DNAH6: variants seen among roughly 807,000 people sequenced by gnomAD.
The protein encoded by DNAH6 is axonemal beta dynein heavy chain 6.
A neutral mutation model predicts 491.4 loss-of-function variants in DNAH6; 340 were observed. The ratio of observed to expected loss-of-function variants is 0.69; its 90% confidence interval spans 0.63 to 0.76. The LOEUF (loss-of-function observed/expected upper bound fraction) is 0.76, where lower values mean the gene tolerates loss of function less well. Among genes scored for constraint, DNAH6 ranks in the 30% least tolerant of loss-of-function variants. The pLI is 0.00. For synonymous variants in DNAH6, 1,603 were observed against 1,686.1 expected (o/e 0.95, Z 1.21); for missense variants, 4,443 against 4,972.2 (o/e 0.89, Z 3.20).
the DNAH6 span, among the ~76,000 whole-genome samples, chr2:84,477,225 C>T: frequency 1.3e-5 from 2 of 152,172 alleles, no homozygotes; most frequent in Non-Finnish European, 1.5e-5. Flanking sequence ...GTCAAAAGGG[C>T]AGGCTCATGA....
In DNAH6 at chr2:84,560,364, A is replaced by G. The variant is rs535661947; in HGVS notation, c.1803+2429A>G. On this transcript the variant is annotated intron_variant, in intron 11 of 76. Coordinates refer to ENST00000389394, the MANE Select transcript of DNAH6 (RefSeq NM_001370.2). The stretch of plus-strand genomic sequence containing the variant: ...TGGAGGAGCATTTAAAAAAAAACTC[A>G]TGGAAAGAAAATGTGAATCAAGAAT... 2.6e-5 allele frequency among the ~76,000 whole-genome samples: 4 copies of G among 152,224 alleles called. No individual in the cohort carries two copies. The South Asian group carries it at 8.3e-4, about 32-fold the overall frequency.
chr2:84,754,247 T>C (rs1405861390), intron 63 of DNAH6, among the ~76,000 whole-genome samples: 2 of 152,192 alleles, frequency 1.3e-5, no homozygotes, highest in East Asian at 1.9e-4. Flanking sequence ...TGGCACGATC[T>C]CGGCTCACTG....
chr2:84,528,045 C>T (rs1319926957), intron 3 of DNAH6, among the ~76,000 whole-genome samples: 6 of 152,164 alleles, frequency 3.9e-5, no homozygotes, highest in Non-Finnish European at 5.9e-5. Context: ...TGATTAACCT[C>T]CTCCATGGGA....
intron 64 of DNAH6, among the ~76,000 whole-genome samples, chr2:84,773,928 AGTT>A (rs951243556): frequency 6.6e-6 from 1 of 151,608 alleles, no homozygotes; most frequent in African/African-American, 2.4e-5. Flanking sequence ...TTTTTAATGG[AGTT>A]GTTTTTTGCT....
At position 84,653,410 on chromosome 2, in the gene DNAH6, C is replaced by A. The variant is rs1690647567; in HGVS notation, c.5170C>A (p.Gln1724Lys). Residue 1724 changes from glutamine (Q) to lysine (K), a missense_variant, in exon 34 of 77, where the codon CAA (glutamine) becomes AAA (lysine). By Grantham distance (53) the Gln-to-Lys change is moderately conservative (BLOSUM62 1). Coordinates refer to ENST00000389394, the MANE Select transcript of DNAH6 (RefSeq NM_001370.2). ...AACAATTGTGGATGTCATGAATAGA[C>A]AAAATCTTCAGCCTGAGATGTGTAT... ...QSTIVDVMNR[Q>K]NLQPEMCMVR... The A allele has an allele frequency of 6.4e-7, 1 of 1,551,008 alleles. No individual in the cohort carries two copies. The highest frequency in any genetic ancestry group is 8.7e-7 in the Non-Finnish European group (1 of 1,146,578).
At chr2:84,811,025 G>GCCAA (rs1679918611) in intron 72 of DNAH6, among the ~76,000 whole-genome samples, 1 of 152,214 alleles carries the variant, frequency 6.6e-6, no homozygotes, top group Non-Finnish European at 1.5e-5. Context: ...CTATCATGGA[G>GCCAA]GATGGTCTTG....
the DNAH6 span, among the ~76,000 whole-genome samples, chr2:84,473,099 T>C: frequency 6.6e-6 from 1 of 152,042 alleles, no homozygotes; most frequent in Admixed American, 6.6e-5. Context: ...AACGGCCCCT[T>C]TGGATAGGGG....
chr2:84,564,274 A>C (rs948532570), intron 11 of DNAH6, among the ~76,000 whole-genome samples: 1 of 152,122 alleles, frequency 6.6e-6, no homozygotes, highest in Non-Finnish European at 1.5e-5. Context: ...TGAATCTGTA[A>C]ATTGCTTTGG....
chr2:84,786,445 AG>A (rs377434948), intron 67 of DNAH6, among the ~76,000 whole-genome samples: 10 of 150,368 alleles, frequency 6.7e-5, no homozygotes, highest in South Asian at 2.1e-4. Flanking sequence ...AAAAAAAAAA[AG>A]AAAAGATGCC....
chr2:84,792,140 C>A (rs1677813185), intron 68 of DNAH6, among the ~76,000 whole-genome samples: 1 of 152,152 alleles, frequency 6.6e-6, no homozygotes, highest in Non-Finnish European at 1.5e-5. Context: ...GGGACAAATA[C>A]TGCATGATTC....
upstream of DNAH6, chr2:84,516,346 A>G (rs983157769): frequency 6.6e-6 from 1 of 152,292 alleles, no homozygotes; most frequent in Non-Finnish European, 1.5e-5. Context: ...TCAGCGAAGT[A>G]GGAAATGTTT....
chr2:84,718,792 T>C (rs1308579597), intron 59 of DNAH6, among the ~76,000 whole-genome samples: 1 of 152,244 alleles, frequency 6.6e-6, no homozygotes, highest in East Asian at 1.9e-4. Context: ...CTGTTTATCC[T>C]ATGTCACAGT....
intron 63 of DNAH6, among the ~76,000 whole-genome samples, chr2:84,754,006 G>A (rs1314357056): frequency 6.6e-6 from 1 of 150,656 alleles, no homozygotes; most frequent in Non-Finnish European, 1.5e-5. Flanking sequence ...TGTATTTTTA[G>A]TAGAGATGGG....
the DNAH6 span, among the ~76,000 whole-genome samples, chr2:84,467,186 A>G: frequency 6.6e-6 from 1 of 152,174 alleles, no homozygotes; most frequent in Admixed American, 6.5e-5. Flanking sequence ...AACTTTTACA[A>G]CTTGCTTAAA....
intron 2 of DNAH6, 34 bp from the exon 3 acceptor site, chr2:84,525,531 A>T (rs972478691): frequency 1.3e-6 from 2 of 1,518,780 alleles, no homozygotes; most frequent in Admixed American, 2.4e-5. Context: ...TACGAATGTT[A>T]ATAAAAATTA....
chr2:84,734,445 G>C (rs1427965333), intron 62 of DNAH6, among the ~76,000 whole-genome samples: 2 of 152,064 alleles, frequency 1.3e-5, no homozygotes, highest in Non-Finnish European at 2.9e-5. Flanking sequence ...ACCATTTTAG[G>C]ATTTAGGGGA....
At chr2:84,595,623 CTT>C (rs1409186991) in intron 17 of DNAH6, 21 bp from the exon 18 acceptor site, 1 of 1,508,570 alleles carries the variant, frequency 6.6e-7, no homozygotes, top group Non-Finnish European at 8.9e-7. Context: ...ACTTGTTTTG[CTT>C]TGTTTTTAAA....
At chr2:84,708,717 T>C (rs1696757514) in intron 54 of DNAH6, among the ~76,000 whole-genome samples, 1 of 152,194 alleles carries the variant, frequency 6.6e-6, no homozygotes, top group Non-Finnish European at 1.5e-5. Flanking sequence ...TTCCAGGAAA[T>C]GAAATTATTT....
chr2:84,620,548 T>C (rs1163662938), intron 24 of DNAH6, among the ~76,000 whole-genome samples: 1 of 152,118 alleles, frequency 6.6e-6, no homozygotes, highest in Non-Finnish European at 1.5e-5. Context: ...TATGTGGGCA[T>C]GGGAGACGTT....
Sources: gnomAD v4.1 joint callset for allele counts (sites outside exome capture counted in the v4.1 genomes callset) on GRCh38, gnomAD v4.1.1 for gene constraint, MANE v1.5 for transcripts, NCBI Gene and HGNC (gene_info 2026-07-23, HGNC 2026-07-21) for gene names.